The following SOX5 variants were observed in gnomAD, a reference collection of about 807,000 sequenced individuals.
SOX5 encodes the protein transcription factor SOX-5.
A neutral mutation model predicts 92.0 loss-of-function variants in SOX5; 9 were observed. The observed-to-expected ratio is 0.10, with a 90% CI of 0.06 to 0.17. The LOEUF (loss-of-function observed/expected upper bound fraction) is 0.17, where lower values mean the gene tolerates loss of function less well. Among genes scored for constraint, SOX5 ranks in the 10% least tolerant of loss-of-function variants. The pLI is 1.00. For synonymous variants in SOX5, 344 were observed against 336.3 expected, an observed-to-expected ratio of 1.02 and a Z score of -0.25; for missense variants, 642 against 944.5, an observed-to-expected ratio of 0.68 and a Z score of 4.20.
chr12:23,726,036 C>CCTA (rs1202118891), intron 6 of SOX5, among the ~76,000 whole-genome samples: 1 of 151,604 alleles, frequency 6.6e-6, no homozygotes, highest in Non-Finnish European at 1.5e-5. Context: ...TCCTTAATTC[C>CCTA]CTACTCATCT....
At chr12:24,388,797 T>C (rs890503992) in intron 1 of SOX5, among the ~76,000 whole-genome samples, 1 of 152,226 alleles carries the variant, frequency 6.6e-6, no homozygotes, top group Admixed American at 6.5e-5. Context: ...CAGGTAGCCA[T>C]GAATGTACTT....
chr12:24,302,913 AG>A (rs927245460), intron 2 of SOX5, among the ~76,000 whole-genome samples: 30 of 152,234 alleles, frequency 2.0e-4, no homozygotes, highest in African/African-American at 2.6e-4. Flanking sequence ...CATTAGTTAT[AG>A]GGGAAAAACA....
chr12:23,749,978 T>C (rs1053218519), intron 4 of SOX5, among the ~76,000 whole-genome samples: 4 of 151,864 alleles, frequency 2.6e-5, no homozygotes, highest in East Asian at 1.9e-4. Context: ...TGTGTGTGTG[T>C]GCTAGGGACA....
At chr12:24,528,429 T>C (rs1566397873) in intron 1 of SOX5, among the ~76,000 whole-genome samples, 4 of 152,198 alleles carry the variant, frequency 2.6e-5, no homozygotes, top group Non-Finnish European at 5.9e-5. Context: ...TTGATAACTA[T>C]GAAAAGTTGA....
intron 1 of SOX5, among the ~76,000 whole-genome samples, chr12:24,461,284 T>C (rs979932714): frequency 6.6e-6 from 1 of 152,082 alleles, no homozygotes; most frequent in Admixed American, 6.6e-5. Context: ...AAGTGGCCAC[T>C]ACGATTCTAG....
chr12:23,534,699 CTTTTCTTTTTTT>C lies in SOX5; in HGVS notation c.1989-189_1989-178del, dbSNP rs1939855698. 2.9e-5 allele frequency among the ~76,000 whole-genome samples: 4 copies of C among 137,922 alleles called. No individual in the cohort carries two copies. The South Asian group carries it at 9.2e-4, about 32-fold the overall frequency. The allele number at this position is 137,922 out of a possible 152,430, so 90.5% of individuals were successfully genotyped here. On this transcript the variant is annotated intron_variant, in intron 14 of 14. Transcript: ENST00000451604. ...AACTTTAATACCTTGTTTTTCTTTT[CTTTTCTTTTTTT>C]TTTTTTTTTTTTGAGATGACGTAGT... is the stretch of plus-strand genomic sequence containing the variant.
intron 4 of SOX5, among the ~76,000 whole-genome samples, chr12:24,052,059 T>A (rs1295249155): frequency 1.3e-5 from 2 of 152,186 alleles, no homozygotes; most frequent in Non-Finnish European, 2.9e-5. Flanking sequence ...CTATCTTCAA[T>A]AGAGCCTTAC....
intron 1 of SOX5, among the ~76,000 whole-genome samples, chr12:23,916,851 T>C (rs2097422682): frequency 6.6e-6 from 1 of 152,154 alleles, no homozygotes; most frequent in Admixed American, 6.5e-5. Context: ...ACTCATCTGG[T>C]GATTACTGCC....
chr12:24,189,794 TTATG>T (rs1267201974), intron 4 of SOX5, among the ~76,000 whole-genome samples: 2 of 152,228 alleles, frequency 1.3e-5, no homozygotes, highest in Non-Finnish European at 2.9e-5. Context: ...ATAAATCATT[TTATG>T]TATGTATGCT....
chr12:24,489,743 T>A (rs898762005), intron 1 of SOX5, among the ~76,000 whole-genome samples: 2 of 152,186 alleles, frequency 1.3e-5, no homozygotes, highest in Non-Finnish European at 2.9e-5. Flanking sequence ...AAGTTGGCCA[T>A]ATTCCTGCCA....
At chr12:23,923,355 A>G (rs1351644764) in intron 1 of SOX5, among the ~76,000 whole-genome samples, 5 of 152,172 alleles carry the variant, frequency 3.3e-5, no homozygotes, top group African/African-American at 1.2e-4. Context: ...AATGTAAGCT[A>G]ATAATTAAAA....
chr12:24,062,273 C>G (rs1939873529), intron 4 of SOX5, among the ~76,000 whole-genome samples: 1 of 152,190 alleles, frequency 6.6e-6, no homozygotes, highest in African/African-American at 2.4e-5. Context: ...ATAAGCATGA[C>G]TAGAATAAAG....
intron 8 of SOX5, among the ~76,000 whole-genome samples, chr12:23,631,301 GAATACTAGTAA>G (rs1265730843): frequency 2.0e-5 from 3 of 151,894 alleles, no homozygotes; most frequent in Admixed American, 6.6e-5. Flanking sequence ...ATAAATTAAA[GAATACTAGTAA>G]AATAAACTAA....
intron 4 of SOX5, among the ~76,000 whole-genome samples, chr12:24,072,614 G>A (rs568271326): frequency 1.3e-5 from 2 of 152,316 alleles, no homozygotes; most frequent in South Asian, 2.1e-4. Context: ...TAGCAGCAAT[G>A]TGGCCATAAC....
At position 23,866,619 on chromosome 12, in the gene SOX5, T is replaced by C. The variant is rs564134910; in HGVS notation, c.271-20426A>G. Reference sequence around the variant, plus strand: ...AACTGAGCCTACAACGTCTCCAAGATATGCCTATAATCTAATAGTGAAATC... The same window carrying C: ...AACTGAGCCTACAACGTCTCCAAGACATGCCTATAATCTAATAGTGAAATC... On this transcript the variant is annotated intron_variant, in intron 2 of 14. Transcript: ENST00000451604. Among the ~76,000 whole-genome samples the C allele has an allele frequency of 4.6e-5, 7 of 152,326 alleles. 1 individual carries two copies. The highest frequency in any genetic ancestry group is 2.1e-4 in the South Asian group (1 of 4,826).
At chr12:24,399,739 A>T (rs1457848376) in intron 1 of SOX5, among the ~76,000 whole-genome samples, 2 of 152,258 alleles carry the variant, frequency 1.3e-5, no homozygotes, top group Non-Finnish European at 2.9e-5. Context: ...CCATGGAAAC[A>T]TTAATAAATG....
intron 4 of SOX5, among the ~76,000 whole-genome samples, chr12:23,968,551 C>A (rs772349054): frequency 2.0e-5 from 3 of 152,232 alleles, no homozygotes; most frequent in Non-Finnish European, 4.4e-5. Flanking sequence ...CTCCCCACCC[C>A]ATTCTTCCAT....
At chr12:23,998,067 C>G (rs1951206031) in intron 4 of SOX5, among the ~76,000 whole-genome samples, 1 of 152,080 alleles carries the variant, frequency 6.6e-6, no homozygotes, top group South Asian at 2.1e-4. Flanking sequence ...AACTGTGACC[C>G]AAACACAGGG....
chr12:24,162,070 A>T (rs10842287), intron 4 of SOX5, among the ~76,000 whole-genome samples: 64,429 of 151,968 alleles, frequency 0.42, 14,157 homozygotes, highest in Middle Eastern at 0.48. Context: ...AAGGAAAGAG[A>T]TCGGTAAAAG....
Sources: gnomAD v4.1 joint callset for allele counts (sites outside exome capture counted in the v4.1 genomes callset) on GRCh38, gnomAD v4.1.1 for gene constraint, MANE v1.5 for transcripts, NCBI Gene and HGNC (gene_info 2026-07-23, HGNC 2026-07-21) for gene names.